LRP1B: variants seen among roughly 807,000 people sequenced by gnomAD.
The protein encoded by LRP1B is LDL receptor related protein 1B.
LRP1B carries 217 observed loss-of-function variants against 556.6 expected under a neutral mutation model. That is an observed-to-expected ratio of 0.39 (90% CI 0.35 to 0.44). LRP1B has a LOEUF of 0.44. LRP1B is among the 20% of genes least tolerant of loss of function. The pLI is 1.00. For missense variants in LRP1B, 5,053 were observed against 5,620.8 expected (o/e 0.90, Z 3.23); for synonymous variants, 2,047 against 1,865.8 (o/e 1.10, Z -2.50).
intron 15 of LRP1B, among the ~76,000 whole-genome samples, chr2:141,002,823 A>G (rs1477849015): frequency 6.6e-6 from 1 of 152,018 alleles, no homozygotes; most frequent in African/African-American, 2.4e-5. Flanking sequence ...TAGGCCTAAA[A>G]ATATTGTAAA....
At chr2:141,741,746 T>C (rs996445242) in intron 2 of LRP1B, among the ~76,000 whole-genome samples, 3 of 152,208 alleles carry the variant, frequency 2.0e-5, no homozygotes, top group African/African-American at 7.2e-5. Context: ...GTAGTTTACC[T>C]CTTCACTTTG....
chr2:141,092,667 A>C (rs1195221864), intron 7 of LRP1B, among the ~76,000 whole-genome samples: 1 of 152,182 alleles, frequency 6.6e-6, no homozygotes, highest in Non-Finnish European at 1.5e-5. Flanking sequence ...ACCACACAGG[A>C]AGCTGTGATG....
chr2:141,600,570 A>C (rs950123142), intron 2 of LRP1B, among the ~76,000 whole-genome samples: 1 of 151,486 alleles, frequency 6.6e-6, no homozygotes, highest in Non-Finnish European at 1.5e-5. Flanking sequence ...ATGAACTGCA[A>C]ACGTAACCAC....
chr2:140,747,904 T>C (rs1688372147), intron 35 of LRP1B, among the ~76,000 whole-genome samples: 1 of 151,636 alleles, frequency 6.6e-6, no homozygotes, highest in South Asian at 2.1e-4. Context: ...TATATGTGAT[T>C]GCAAATGCGA....
chr2:141,238,142 T>C (rs1048650676), intron 5 of LRP1B, among the ~76,000 whole-genome samples: 2 of 152,178 alleles, frequency 1.3e-5, no homozygotes, highest in African/African-American at 4.8e-5. Flanking sequence ...ACATGATTAT[T>C]AGAACTAGCA....
At chr2:140,934,941 A>G (rs1695160074) in intron 20 of LRP1B, among the ~76,000 whole-genome samples, 1 of 152,192 alleles carries the variant, frequency 6.6e-6, no homozygotes, top group African/African-American at 2.4e-5. Flanking sequence ...GTTACTGTGT[A>G]TACCAAGGGA....
At chr2:141,387,249 C>A (rs1028491576) in intron 3 of LRP1B, among the ~76,000 whole-genome samples, 1 of 151,632 alleles carries the variant, frequency 6.6e-6, no homozygotes, top group East Asian at 1.9e-4. Context: ...AATAAATACG[C>A]CATATTTATA....
chr2:141,536,548 T>G (rs1685076034), intron 2 of LRP1B, among the ~76,000 whole-genome samples: 1 of 152,046 alleles, frequency 6.6e-6, no homozygotes, highest in South Asian at 2.1e-4. Context: ...ATGGAGGTTA[T>G]CAATAAAATA....
intron 31 of LRP1B, among the ~76,000 whole-genome samples, chr2:140,832,134 A>G (rs1479287755): frequency 6.6e-6 from 1 of 151,672 alleles, no homozygotes; most frequent in Non-Finnish European, 1.5e-5. Flanking sequence ...GTTCACTTAT[A>G]TATGATTTTT....
At chr2:140,467,623 A>G (rs80111777) in intron 60 of LRP1B, among the ~76,000 whole-genome samples, 11,529 of 150,962 alleles carry the variant, frequency 0.076, 587 homozygotes, top group African/African-American at 0.13. Context: ...AAAAAAAAAA[A>G]AAAAAAAAAA....
intron 8 of LRP1B, among the ~76,000 whole-genome samples, chr2:141,060,292 A>C (rs945766184): frequency 1.3e-5 from 2 of 151,714 alleles, no homozygotes; most frequent in Non-Finnish European, 2.9e-5. Context: ...TATAAGAATG[A>C]CTAGGGAGAA....
chr2:141,655,780 C>A (rs1474560899), intron 2 of LRP1B, among the ~76,000 whole-genome samples: 1 of 152,040 alleles, frequency 6.6e-6, no homozygotes, highest in Non-Finnish European at 1.5e-5. Context: ...TGTTAACTGA[C>A]TTTCTCCAGG....
chr2:140,557,951 G>A (rs181013309), intron 43 of LRP1B, among the ~76,000 whole-genome samples: 7 of 152,082 alleles, frequency 4.6e-5, no homozygotes, highest in Admixed American at 3.9e-4. Context: ...GTTCAGTGAC[G>A]AAGCCTAAGC....
intron 3 of LRP1B, among the ~76,000 whole-genome samples, chr2:141,351,281 T>A (rs1323648749): frequency 2.0e-5 from 3 of 152,094 alleles, no homozygotes; most frequent in Admixed American, 1.3e-4. Context: ...TTTTCTTATA[T>A]ATAAATTACA....
chr2:140,521,600 C>T (rs1218623689), intron 49 of LRP1B, among the ~76,000 whole-genome samples: 2 of 151,912 alleles, frequency 1.3e-5, no homozygotes, highest in Non-Finnish European at 2.9e-5. Context: ...GCACACAGCC[C>T]ATGAACCCTA....
rs1358428382 is a variant in LRP1B, at chr2:141,808,495, TTTA to T, written c.205+1781_205+1783del. ...ACTTGTATAATGTAGGGCCAAAGCA[TTTA>T]TTATTGTTGTTTTTCCACATTCCTA... On this transcript the variant is annotated intron_variant, in intron 2 of 90. Transcript: ENST00000389484. Among the ~76,000 whole-genome samples, 9 of 152,176 alleles carry T rather than the reference TTTA, an allele frequency of 5.9e-5. No homozygotes were observed. In the South Asian group the frequency reaches 6.2e-4, roughly 11 times the overall value.
chr2:142,091,638 C>A (rs1706177401), intron 1 of LRP1B, among the ~76,000 whole-genome samples: 1 of 152,080 alleles, frequency 6.6e-6, no homozygotes, highest in South Asian at 2.1e-4. Context: ...TAATTCCTTG[C>A]CCCTACAGCA....
At chr2:141,340,524 G>T (rs774805643) in intron 3 of LRP1B, among the ~76,000 whole-genome samples, 3 of 152,122 alleles carry the variant, frequency 2.0e-5, no homozygotes, top group Non-Finnish European at 2.9e-5. Flanking sequence ...TTTAATAAAT[G>T]CAGTGACCCT....
intron 3 of LRP1B, among the ~76,000 whole-genome samples, chr2:141,312,378 C>T (rs1686845363): frequency 6.6e-6 from 1 of 152,022 alleles, no homozygotes; most frequent in Admixed American, 6.6e-5. Flanking sequence ...CTTTATCTTA[C>T]TTTATTGTAA....
Sources: allele counts gnomAD v4.1 joint callset (sites outside exome capture counted in the v4.1 genomes callset), GRCh38; gene constraint gnomAD v4.1.1; transcripts MANE v1.5; gene names NCBI Gene and HGNC (gene_info 2026-07-23, HGNC 2026-07-21).